The following CEP72 variants were observed in gnomAD, a reference collection of about 807,000 sequenced individuals.
The protein encoded by CEP72 is centrosomal protein of 72 kDa.
CEP72 carries 78 observed loss-of-function variants against 65.7 expected under a neutral mutation model. The ratio of observed to expected loss-of-function variants is 1.19; its 90% CI spans 0.99 to 1.43. The LOEUF (loss-of-function observed/expected upper bound fraction) is 1.43. CEP72 is among the 40% of genes most tolerant of loss of function. CEP72 has a pLI of 0.00. For missense variants in CEP72, 914 were observed against 832.9 expected, an observed-to-expected ratio of 1.10 and a Z score of -1.20; for synonymous variants, 358 against 351.7, an observed-to-expected ratio of 1.02 and a Z score of -0.20.
chr5:651,164 T>C lies in CEP72; in HGVS notation c.1779-1824T>C, dbSNP rs140420675. On this transcript the variant is annotated intron_variant, in intron 11 of 11. Transcript: ENST00000264935. ...TGTGACTGAGGCGTGGACTGTGAGG[T>C]GTGACTGTGAGGTGTTACTGTGAGG... Among the ~76,000 whole-genome samples the C allele has an allele frequency of 7.8e-4, 37 of 47,134 alleles. 3 individuals carry two copies. The Admixed American group carries it at 1.0e-2, about 13-fold the overall frequency. The allele number at this position is 47,134 out of a possible 152,430, so 30.9% of individuals were successfully genotyped here.
chr5:660,129 A>G (rs1206362991), downstream of CEP72: 1 of 152,218 alleles, frequency 6.6e-6, no homozygotes, highest in East Asian at 1.9e-4. Context: ...TGACGTGGAC[A>G]TCACCCGTCA....
At chr5:642,720 A>G in intron 9 of CEP72, 2 of 985,438 alleles carry the variant, frequency 2.0e-6, no homozygotes, top group Non-Finnish European at 2.4e-6. Flanking sequence ...ATCCAGAAGA[A>G]TCTGGCAGCC....
chr5:647,573 G>A (rs1242622364), intron 10 of CEP72, among the ~76,000 whole-genome samples: 1 of 152,228 alleles, frequency 6.6e-6, no homozygotes, highest in African/African-American at 2.4e-5. Flanking sequence ...GGCCTGTGGA[G>A]GGCAGACCAC....
At chr5:631,837 TA>T (rs2126770538) in intron 4 of CEP72, among the ~76,000 whole-genome samples, 2 of 36,514 alleles carry the variant, frequency 5.5e-5, no homozygotes, top group African/African-American at 2.3e-4. Flanking sequence ...TGCCGGGATT[TA>T]GACCAGTCCT....
At chr5:636,809 CAAAAAA>C (rs76828125) in intron 6 of CEP72, among the ~76,000 whole-genome samples, 1 of 54,488 alleles carries the variant, frequency 1.8e-5, no homozygotes, top group East Asian at 5.8e-4. Context: ...GACTCCAACT[CAAAAAA>C]AAAAAAAAAA....
intron 9 of CEP72, chr5:643,475 G>C: frequency 1.0e-6 from 1 of 985,412 alleles, no homozygotes; most frequent in Non-Finnish European, 1.2e-6. Flanking sequence ...GGGGCCTGGC[G>C]GGTGCATGCA....
At chr5:659,282 C>T (rs908236680), downstream of CEP72, among the ~76,000 whole-genome samples, 1 of 152,266 alleles carries the variant, frequency 6.6e-6, no homozygotes, top group Non-Finnish European at 1.5e-5. Context: ...ACATTTTAAT[C>T]TCACAAAGTA....
At chr5:641,808 A>T (rs1359901978) in intron 9 of CEP72, 1 of 981,798 alleles carries the variant, frequency 1.0e-6, no homozygotes, top group African/African-American at 1.8e-5. Flanking sequence ...ATTTAAGCAC[A>T]CGTGGTCCCC....
In CEP72 at chr5:642,186, A is replaced by G; in HGVS notation, c.1539+1582A>G. 8 of 770,132 alleles carry G rather than the reference A, an allele frequency of 1.0e-5. 1 individual carries two copies. The South Asian group carries it at 4.4e-4, about 43-fold the overall frequency. The allele number at this position is 770,132 out of a possible 1,614,324, so 47.7% of individuals were successfully genotyped here. On this transcript the variant is annotated intron_variant, in intron 9 of 11. Coordinates refer to ENST00000264935, the MANE Select transcript of CEP72 (RefSeq NM_018140.4). The stretch of plus-strand genomic sequence containing the variant: ...CGTCTAGAAGCCTCTGCATTTAAAC[A>G]CACGTGGTCCCCCATCTAGAAGCCT...
chr5:671,824 G>A (rs937884200), downstream of CEP72, among the ~76,000 whole-genome samples: 12 of 152,216 alleles, frequency 7.9e-5, no homozygotes, highest in African/African-American at 2.4e-4. Flanking sequence ...GTGCAAGCCC[G>A]GGACAGGGTG....
chr5:633,728 G>A, intron 4 of CEP72, 41 bp from the exon 5 acceptor site: 1 of 1,597,358 alleles, frequency 6.3e-7, no homozygotes, highest in Non-Finnish European at 8.6e-7. Flanking sequence ...GGAGCATATG[G>A]CTGGCTTGAG....
In CEP72 at chr5:639,232, A is replaced by G. The variant is rs1554015625; in HGVS notation, c.1342+8A>G. ...GCAACGAGGCATTCCTTGGTGAGTCAGGGCGGCCACTGCTCTTGCCCTGTA... is the reference window on the plus strand; with the variant it reads ...GCAACGAGGCATTCCTTGGTGAGTCGGGGCGGCCACTGCTCTTGCCCTGTA... On this transcript the variant is annotated splice_region_variant and intron_variant, in intron 8 of 11. Transcript: ENST00000264935. 1.9e-6 allele frequency: 3 copies of G among 1,563,804 alleles called. No homozygotes were observed. The highest frequency in any genetic ancestry group is 3.6e-5 in the Admixed American group (2 of 55,384).
At chr5:625,460 G>A (rs1736693371) in intron 4 of CEP72, among the ~76,000 whole-genome samples, 3 of 152,212 alleles carry the variant, frequency 2.0e-5, no homozygotes, top group Non-Finnish European at 4.4e-5. Flanking sequence ...TCTTAGCTCT[G>A]CCTTTGCAGG....
At chr5:654,345 G>C (rs528579203), downstream of CEP72, among the ~76,000 whole-genome samples, 1 of 144,740 alleles carries the variant, frequency 6.9e-6, no homozygotes, top group South Asian at 2.1e-4. Context: ...GTGTGTGCGC[G>C]CACGCACCCT....
chr5:667,588 C>G (rs759242664), downstream of CEP72, among the ~76,000 whole-genome samples: 4 of 146,584 alleles, frequency 2.7e-5, no homozygotes, highest in Non-Finnish European at 5.9e-5. Flanking sequence ...GTTCGAAACT[C>G]TGCTCTCAGA....
At chr5:652,705 A>C (rs1437742816) in intron 11 of CEP72, among the ~76,000 whole-genome samples, 1 of 152,246 alleles carries the variant, frequency 6.6e-6, no homozygotes. Context: ...CCAAGGCGCC[A>C]TTCAGTCACT....
chr5:616,833 C>CGTGCGT (rs142432995), intron 1 of CEP72, among the ~76,000 whole-genome samples: 1 of 145,866 alleles, frequency 6.9e-6, no homozygotes, highest in Non-Finnish European at 1.5e-5. Flanking sequence ...TGTGTGTGTG[C>CGTGCGT]GCGCGAGTGG....
chr5:655,827 G>A (rs770305850), downstream of CEP72, among the ~76,000 whole-genome samples: 1 of 152,132 alleles, frequency 6.6e-6, no homozygotes, highest in African/African-American at 2.4e-5. The surrounding 1 kb of genome is among the most constrained non-coding windows in gnomAD (Gnocchi z 5.0). Flanking sequence ...TTATGATTCT[G>A]GGTAGTAGTG....
intron 1 of CEP72, among the ~76,000 whole-genome samples, chr5:617,764 C>G (rs1004299923): frequency 1.3e-4 from 20 of 152,184 alleles, no homozygotes; most frequent in African/African-American, 4.8e-4. Context: ...ACTCAGGAGA[C>G]TGAGGCGGGA....
Sources: allele counts gnomAD v4.1 joint callset (sites outside exome capture counted in the v4.1 genomes callset), GRCh38; gene constraint gnomAD v4.1.1; non-coding constraint Gnocchi (gnomAD v3.1); transcripts MANE v1.5; gene names NCBI Gene and HGNC (gene_info 2026-07-23, HGNC 2026-07-21).